CDH12: variants seen among roughly 807,000 people sequenced by gnomAD.
The protein encoded by CDH12 is cadherin-12.
CDH12 carries 41 observed loss-of-function variants against 74.1 expected under a neutral mutation model. That is an observed-to-expected ratio of 0.55 (90% confidence interval 0.43 to 0.72). CDH12 has a LOEUF of 0.72. Among genes scored for constraint, CDH12 ranks in the 30% least tolerant of loss-of-function variants. The pLI is 0.00. For synonymous variants in CDH12, 399 were observed against 355.0 expected (o/e 1.12, Z -1.39); for missense variants, 945 against 977.2 (o/e 0.97, Z 0.44).
chr5:22,200,203 T>C (rs903529272), intron 4 of CDH12, among the ~76,000 whole-genome samples: 2 of 152,176 alleles, frequency 1.3e-5, no homozygotes, highest in South Asian at 2.1e-4. Flanking sequence ...GATCAAAGTG[T>C]ATCTCTTCAG....
At chr5:21,883,976 A>G in intron 6 of CDH12, 1 of 1,599,082 alleles carries the variant, frequency 6.3e-7, no homozygotes. Flanking sequence ...AAGATCAAAA[A>G]ATTGGTATGG....
chr5:21,807,248 C>T (rs1379847354), intron 9 of CDH12, among the ~76,000 whole-genome samples: 5 of 152,216 alleles, frequency 3.3e-5, no homozygotes. Context: ...ATGACATCCC[C>T]AACGAATCAG....
intron 3 of CDH12, among the ~76,000 whole-genome samples, chr5:22,257,845 C>T (rs1231540791): frequency 6.6e-6 from 1 of 151,958 alleles, no homozygotes; most frequent in Non-Finnish European, 1.5e-5. Context: ...TGACCTTGAA[C>T]AGTAGGATAT....
chr5:22,740,582 A>C (rs925173592), intron 1 of CDH12, among the ~76,000 whole-genome samples: 19 of 152,080 alleles, frequency 1.2e-4, no homozygotes, highest in African/African-American at 3.4e-4. Context: ...TCTTCATTGT[A>C]AATATAAAAT....
intron 1 of CDH12, among the ~76,000 whole-genome samples, chr5:22,698,068 T>C (rs1742471834): frequency 6.6e-6 from 1 of 151,000 alleles, no homozygotes; most frequent in South Asian, 2.1e-4. Flanking sequence ...CATTTTATAT[T>C]TTAGAGACTA....
At chr5:22,421,612 A>C (rs1435447071) in intron 2 of CDH12, among the ~76,000 whole-genome samples, 1 of 152,144 alleles carries the variant, frequency 6.6e-6, no homozygotes. Context: ...ATTGGTTCCA[A>C]GTCTTTGCTA....
chr5:22,044,373 T>G (rs1739786772), intron 5 of CDH12, among the ~76,000 whole-genome samples: 1 of 152,116 alleles, frequency 6.6e-6, no homozygotes, highest in Non-Finnish European at 1.5e-5. Flanking sequence ...CTCAGGAAAC[T>G]AACAATCATG....
intron 4 of CDH12, among the ~76,000 whole-genome samples, chr5:22,127,124 A>G (rs1040228445): frequency 2.6e-5 from 4 of 152,148 alleles, no homozygotes; most frequent in Admixed American, 2.6e-4. Context: ...AAAAACAACT[A>G]TATTGTGCAT....
At chr5:22,055,804 A>G (rs986282718) in intron 5 of CDH12, among the ~76,000 whole-genome samples, 9 of 152,204 alleles carry the variant, frequency 5.9e-5, no homozygotes, top group African/African-American at 1.9e-4. Flanking sequence ...AAATTAAGTA[A>G]CAATATCTTA....
At chr5:21,845,412 G>T (rs1750109980) in intron 7 of CDH12, among the ~76,000 whole-genome samples, 1 of 152,058 alleles carries the variant, frequency 6.6e-6, no homozygotes, top group Non-Finnish European at 1.5e-5. Context: ...GCACACATTT[G>T]AGTGCTTAGG....
At chr5:22,214,245 G>A (rs1561227563) in intron 3 of CDH12, among the ~76,000 whole-genome samples, 1 of 152,064 alleles carries the variant, frequency 6.6e-6, no homozygotes. Context: ...CCCAGGAGAT[G>A]GGGCTGTAGC....
intron 3 of CDH12, among the ~76,000 whole-genome samples, chr5:22,244,803 A>AG (rs1172295781): frequency 2.2e-4 from 30 of 137,520 alleles, no homozygotes; most frequent in African/African-American, 4.9e-4. Flanking sequence ...AAAGAAAGAA[A>AG]AATTCAAAGT....
At chr5:22,744,483 AT>A (rs1372015982) in intron 1 of CDH12, among the ~76,000 whole-genome samples, 1 of 152,190 alleles carries the variant, frequency 6.6e-6, no homozygotes, top group East Asian at 1.9e-4. Context: ...GTAAATGTGA[AT>A]TGTTTAATTC....
intron 9 of CDH12, among the ~76,000 whole-genome samples, chr5:21,805,304 A>G (rs4457038): frequency 0.69 from 104,755 of 151,884 alleles, 37,227 homozygotes; most frequent in Non-Finnish European, 0.78. Flanking sequence ...ACTGTTATCT[A>G]GATAATCTTG....
intron 4 of CDH12, among the ~76,000 whole-genome samples, chr5:22,080,338 A>G (rs902286544): frequency 2.6e-5 from 4 of 152,182 alleles, no homozygotes; most frequent in Admixed American, 2.0e-4. Context: ...GTAATTCACC[A>G]TACTTGAGAT....
intron 1 of CDH12, among the ~76,000 whole-genome samples, chr5:22,760,507 C>G (rs112920764): frequency 7.9e-4 from 120 of 151,772 alleles, no homozygotes; most frequent in African/African-American, 2.5e-3. Flanking sequence ...GATGAAACAC[C>G]ATTGTTACTA....
intron 3 of CDH12, among the ~76,000 whole-genome samples, chr5:22,290,724 A>T (rs1418267711): frequency 6.6e-6 from 1 of 152,228 alleles, no homozygotes; most frequent in Admixed American, 6.5e-5. Context: ...ACAAAGGATC[A>T]TGAGAGATTG....
chr5:21,754,444 T>C (rs1395490839), intron 14 of CDH12, among the ~76,000 whole-genome samples: 2 of 152,210 alleles, frequency 1.3e-5, no homozygotes, highest in African/African-American at 2.4e-5. Flanking sequence ...TTAAGGTTTA[T>C]ATTAACACAA....
At chr5:22,296,443 C>T (rs1737627206) in intron 3 of CDH12, among the ~76,000 whole-genome samples, 1 of 152,040 alleles carries the variant, frequency 6.6e-6, no homozygotes, top group Non-Finnish European at 1.5e-5. Flanking sequence ...TTAACTTTCT[C>T]TGTTAATCAT....
Sources: allele counts gnomAD v4.1 joint callset (sites outside exome capture counted in the v4.1 genomes callset), GRCh38; gene constraint gnomAD v4.1.1; transcripts MANE v1.5; gene names NCBI Gene and HGNC (gene_info 2026-07-23, HGNC 2026-07-21).